Variants in CEP135 observed in about 807,000 individuals in gnomAD.
CEP135 encodes the protein centrosomal protein of 135 kDa.
A neutral mutation model predicts 157.3 loss-of-function variants in CEP135; 142 were observed. That is an observed-to-expected ratio of 0.90 (90% confidence interval 0.79 to 1.04). CEP135 has a LOEUF of 1.04. Among genes scored for constraint, CEP135 ranks in the 50% least tolerant of loss-of-function variants. CEP135 has a pLI of 0.00. For synonymous variants in CEP135, 396 were observed against 439.8 expected (o/e 0.90, Z 1.25); for missense variants, 1,317 against 1,309.2 (o/e 1.01, Z -0.09).
At chr4:55,962,214 C>T (rs1728704146) in intron 6 of CEP135, among the ~76,000 whole-genome samples, 1 of 152,130 alleles carries the variant, frequency 6.6e-6, no homozygotes. Flanking sequence ...ATTCTCCTGC[C>T]TTGGCCTCCT....
At chr4:55,970,396 A>T (rs372349616) in intron 9 of CEP135, among the ~76,000 whole-genome samples, 1 of 152,240 alleles carries the variant, frequency 6.6e-6, no homozygotes, top group Admixed American at 6.5e-5. Flanking sequence ...ATTTTAAAAA[A>T]ATAACCTGTT....
chr4:55,981,962 G>A (rs540500270), intron 13 of CEP135, among the ~76,000 whole-genome samples: 2 of 152,132 alleles, frequency 1.3e-5, no homozygotes, highest in African/African-American at 4.8e-5. Flanking sequence ...CTTATACTGG[G>A]GTTACCTCCT....
chr4:55,972,893 G>A (rs886260737), intron 10 of CEP135, among the ~76,000 whole-genome samples: 15 of 152,138 alleles, frequency 9.9e-5, no homozygotes, highest in Non-Finnish European at 1.5e-5. Context: ...CTAGCTGGGC[G>A]TGGTGGTGGG....
chr4:55,972,860 C>T (rs1379926040), intron 10 of CEP135, among the ~76,000 whole-genome samples: 1 of 151,986 alleles, frequency 6.6e-6, no homozygotes, highest in Admixed American at 6.6e-5. Flanking sequence ...GGAGAAACCC[C>T]ATCTCTACTA....
At chr4:55,950,463 A>T (rs1728329705) in intron 1 of CEP135, among the ~76,000 whole-genome samples, 1 of 152,180 alleles carries the variant, frequency 6.6e-6, no homozygotes, top group African/African-American at 2.4e-5. Context: ...TAGTTAGCAA[A>T]GGTTAGAAAA....
intron 19 of CEP135, among the ~76,000 whole-genome samples, chr4:56,011,075 T>TA (rs928176477): frequency 2.0e-5 from 3 of 147,246 alleles, no homozygotes; most frequent in East Asian, 2.0e-4. Context: ...CTCAGAAAAT[T>TA]AAAAAAAAAA....
At chr4:55,963,336 T>A (rs965457409) in intron 6 of CEP135, among the ~76,000 whole-genome samples, 2 of 152,252 alleles carry the variant, frequency 1.3e-5, no homozygotes, top group African/African-American at 4.8e-5. Flanking sequence ...CATCTCCAAC[T>A]ACTAGATCCC....
At chr4:56,008,403 C>T (rs1730433963) in intron 18 of CEP135, 21 bp downstream of exon 18, 1 of 1,585,660 alleles carries the variant, frequency 6.3e-7, no homozygotes, top group Non-Finnish European at 8.6e-7. Context: ...AATGAAATTA[C>T]ATCCAGCTTT....
chr4:56,007,779 G>A (rs948915277), intron 17 of CEP135, among the ~76,000 whole-genome samples: 6 of 152,164 alleles, frequency 3.9e-5, no homozygotes, highest in Non-Finnish European at 5.9e-5. Flanking sequence ...GTGAAAATTC[G>A]ATTCTGTCAC....
At chr4:55,960,029 G>A (rs1264988729) in intron 6 of CEP135, 1 of 551,324 alleles carries the variant, frequency 1.8e-6, no homozygotes, top group Admixed American at 3.7e-5. Flanking sequence ...GAGGTGGGAG[G>A]ATTAATGGAT....
chr4:56,009,700 T>C, intron 18 of CEP135, 35 bp from the exon 19 acceptor site: 1 of 1,570,648 alleles, frequency 6.4e-7, no homozygotes, highest in Non-Finnish European at 8.6e-7. Context: ...TTTTTAAAAG[T>C]TTTCTTTATT....
chr4:55,973,191 T>G (rs1401369989), intron 10 of CEP135, among the ~76,000 whole-genome samples: 1 of 152,164 alleles, frequency 6.6e-6, no homozygotes, highest in African/African-American at 2.4e-5. Flanking sequence ...CTTCTCCACT[T>G]TTATACATGG....
chr4:55,997,163 T>G (rs901769833), intron 15 of CEP135, among the ~76,000 whole-genome samples: 6 of 152,248 alleles, frequency 3.9e-5, no homozygotes, highest in African/African-American at 1.4e-4. Flanking sequence ...GTCACTCAAC[T>G]ATTCTTTCCT....
chr4:55,980,721 G>C (rs1577882634), intron 12 of CEP135, among the ~76,000 whole-genome samples: 1 of 152,094 alleles, frequency 6.6e-6, no homozygotes, highest in Non-Finnish European at 1.5e-5. Flanking sequence ...TATTCAGCTT[G>C]GCCCCATTAA....
intron 5 of CEP135, among the ~76,000 whole-genome samples, chr4:55,958,277 A>AC (rs1445538608): frequency 6.6e-6 from 1 of 152,160 alleles, no homozygotes; most frequent in Non-Finnish European, 1.5e-5. Flanking sequence ...TCTACAAAAA[A>AC]TTTAAAAATT....
rs149530474 is a variant in CEP135 at position 55,977,760 on chromosome 4, A to G, written c.1474-2383A>G. ...TTAACTGGTAACCATGCAACACAAT[A>G]GCTCATTAAAACATTCCTCCAGACT... On this transcript the variant is annotated intron_variant, in intron 11 of 25. Transcript: ENST00000257287. Among the ~76,000 whole-genome samples, 48 of 152,344 alleles carry G rather than the reference A, an allele frequency of 3.2e-4. 1 individual carries two copies. The East Asian group carries it at 9.1e-3, about 29-fold the overall frequency.
At chr4:55,994,454 G>A (rs2109705898) in intron 15 of CEP135, among the ~76,000 whole-genome samples, 1 of 152,240 alleles carries the variant, frequency 6.6e-6, no homozygotes, top group South Asian at 2.1e-4. Context: ...GGCTGAGGCA[G>A]GAGGATTGCT....
intron 6 of CEP135, among the ~76,000 whole-genome samples, 153 bp from the exon 7 acceptor site, chr4:55,964,121 A>C (rs1246777420): frequency 1.3e-5 from 2 of 152,246 alleles, no homozygotes; most frequent in Non-Finnish European, 2.9e-5. Context: ...TTTGTTCTGC[A>C]TTTATGCATA....
At chr4:55,980,847 A>C (rs1460441056) in intron 12 of CEP135, among the ~76,000 whole-genome samples, 1 of 152,194 alleles carries the variant, frequency 6.6e-6, no homozygotes, top group African/African-American at 2.4e-5. Flanking sequence ...GAGAAGGGGA[A>C]GAGGCATGCA....
Sources: gnomAD v4.1 joint callset for allele counts (sites outside exome capture counted in the v4.1 genomes callset) on GRCh38, gnomAD v4.1.1 for gene constraint, MANE v1.5 for transcripts, NCBI Gene and HGNC (gene_info 2026-07-23, HGNC 2026-07-21) for gene names.